Variants in PDLIM5 observed in about 807,000 individuals in gnomAD.
PDLIM5 encodes PDZ and LIM domain protein 5.
PDLIM5 carries 34 observed loss-of-function variants against 64.2 expected under a neutral mutation model. The observed-to-expected ratio is 0.53, with a 90% CI of 0.40 to 0.71. The LOEUF is 0.71. PDLIM5 is among the 30% of genes least tolerant of loss of function. The probability of loss-of-function intolerance (pLI) is 0.00; values close to 1 mark genes in which losing one functional copy is unlikely to be tolerated. For synonymous variants in PDLIM5, 253 were observed against 269.1 expected, an observed-to-expected ratio of 0.94 and a Z score of 0.59; for missense variants, 683 against 733.6, an observed-to-expected ratio of 0.93 and a Z score of 0.80.
chr4:94,546,398 TA>T (rs1372643679), intron 3 of PDLIM5, among the ~76,000 whole-genome samples: 1 of 152,110 alleles, frequency 6.6e-6, no homozygotes, highest in Non-Finnish European at 1.5e-5. Flanking sequence ...AGTAACAGTA[TA>T]AAAAAGAAGG....
chr4:94,575,429 T>C (rs1237436617), intron 4 of PDLIM5, among the ~76,000 whole-genome samples, 187 bp from the exon 5 acceptor site: 7 of 152,216 alleles, frequency 4.6e-5, no homozygotes, highest in Non-Finnish European at 8.8e-5. Flanking sequence ...GTGTTATGCA[T>C]GTTGGGACTA....
intron 11 of PDLIM5, among the ~76,000 whole-genome samples, chr4:94,661,154 G>A (rs1381210552): frequency 6.6e-6 from 1 of 152,142 alleles, no homozygotes; most frequent in Non-Finnish European, 1.5e-5. Context: ...CAGCTCTTTG[G>A]GAGGTGAGGC....
chr4:94,560,532 A>G (rs1446600021), intron 3 of PDLIM5, among the ~76,000 whole-genome samples: 1 of 152,204 alleles, frequency 6.6e-6, no homozygotes, highest in Admixed American at 6.5e-5. Flanking sequence ...ATTACCTTAT[A>G]AATCCCTTGT....
chr4:94,516,941 TAAC>T (rs1729414307), intron 2 of PDLIM5, among the ~76,000 whole-genome samples: 1 of 152,190 alleles, frequency 6.6e-6, no homozygotes, highest in South Asian at 2.1e-4. Context: ...CAACATTATA[TAAC>T]AACAAGTAGT....
chr4:94,564,673 T>TTTTTTTTTC (rs1195951922), intron 3 of PDLIM5, among the ~76,000 whole-genome samples: 1 of 144,860 alleles, frequency 6.9e-6, no homozygotes, highest in African/African-American at 2.8e-5. Flanking sequence ...TTTTTTTTTT[T>TTTTTTTTTC]TTGACAGAGT....
intron 5 of PDLIM5, chr4:94,577,400 C>T (rs2110290561): frequency 4.4e-6 from 2 of 456,350 alleles, no homozygotes; most frequent in African/African-American, 2.0e-5. Context: ...AGAGCAGGAG[C>T]TCTAGAAGAA....
At chr4:94,576,183 T>A in intron 5 of PDLIM5, 149 bp downstream of exon 5, 2 of 643,438 alleles carry the variant, frequency 3.1e-6, no homozygotes, top group Non-Finnish European at 5.4e-6. Flanking sequence ...ATGGCCTTTA[T>A]ATACATAGGG....
intron 2 of PDLIM5, among the ~76,000 whole-genome samples, chr4:94,474,233 T>C (rs992327964): frequency 6.6e-6 from 1 of 152,144 alleles, no homozygotes; most frequent in Non-Finnish European, 1.5e-5. Context: ...AAACATTTCA[T>C]TTACATCTTT....
At chr4:94,456,717 T>TTCAC in intron 2 of PDLIM5, 14 of 1,290,862 alleles carry the variant, frequency 1.1e-5, no homozygotes, top group Non-Finnish European at 1.3e-5. Flanking sequence ...CATACATATA[T>TTCAC]ATGTGAATAT....
At chr4:94,533,530 A>T (rs1306156045) in intron 3 of PDLIM5, among the ~76,000 whole-genome samples, 1 of 152,340 alleles carries the variant, frequency 6.6e-6, no homozygotes, top group Admixed American at 6.5e-5. Flanking sequence ...TGGCACCAGC[A>T]TTGGCTTTGA....
At chr4:94,525,640 G>A (rs761049429) in intron 3 of PDLIM5, among the ~76,000 whole-genome samples, 3 of 152,106 alleles carry the variant, frequency 2.0e-5, no homozygotes, top group Non-Finnish European at 4.4e-5. Context: ...TATCAATTTG[G>A]TATTAAAACT....
At chr4:94,558,625 ATTTG>A (rs1443288018) in intron 3 of PDLIM5, among the ~76,000 whole-genome samples, 2 of 152,128 alleles carry the variant, frequency 1.3e-5, no homozygotes, top group Non-Finnish European at 2.9e-5. Context: ...CTTTGCTTTT[ATTTG>A]TTTTATATAC....
At chr4:94,455,439 G>T (rs1164062981) in intron 2 of PDLIM5, 55 bp downstream of exon 2, 2 of 1,103,566 alleles carry the variant, frequency 1.8e-6, no homozygotes, top group South Asian at 2.6e-5. Flanking sequence ...TTAGTCCTCG[G>T]GCTGAGTTGT....
intron 8 of PDLIM5, among the ~76,000 whole-genome samples, chr4:94,621,320 G>A (rs931047099): frequency 6.6e-6 from 1 of 151,940 alleles, no homozygotes; most frequent in Non-Finnish European, 1.5e-5. Flanking sequence ...TTCTTTTGGG[G>A]AAAAAATGCT....
intron 2 of PDLIM5, among the ~76,000 whole-genome samples, chr4:94,486,466 A>G (rs899101758): frequency 6.6e-6 from 1 of 152,174 alleles, no homozygotes; most frequent in Non-Finnish European, 1.5e-5. Context: ...CAATTTGCCT[A>G]TCAGATACTT....
At chr4:94,609,565 T>TAACA (rs1738194747) in intron 7 of PDLIM5, among the ~76,000 whole-genome samples, 1 of 152,184 alleles carries the variant, frequency 6.6e-6, no homozygotes, top group East Asian at 1.9e-4. Flanking sequence ...TAACATTGGT[T>TAACA]TATTTTCGCA....
chr4:94,611,047 ACT>A, intron 7 of PDLIM5: 2 of 1,524,240 alleles, frequency 1.3e-6, no homozygotes, highest in Non-Finnish European at 1.8e-6. Flanking sequence ...TTGACTTAAA[ACT>A]CTTTCTAAAT....
intron 2 of PDLIM5, chr4:94,456,434 G>C: frequency 1.4e-6 from 1 of 694,646 alleles, no homozygotes; most frequent in Non-Finnish European, 2.6e-6. Context: ...CCGACCTCAG[G>C]TGATCTGCCC....
At chr4:94,539,694 C>G (rs1484976611) in intron 3 of PDLIM5, among the ~76,000 whole-genome samples, 1 of 152,120 alleles carries the variant, frequency 6.6e-6, no homozygotes, top group African/African-American at 2.4e-5. Flanking sequence ...TCAACATGTT[C>G]CAGGAGATAT....
Sources: gnomAD v4.1 joint callset for allele counts (sites outside exome capture counted in the v4.1 genomes callset) on GRCh38, gnomAD v4.1.1 for gene constraint, MANE v1.5 for transcripts, NCBI Gene and HGNC (gene_info 2026-07-23, HGNC 2026-07-21) for gene names.